The following NXPE2 variants were observed in gnomAD, a reference collection of about 807,000 sequenced individuals.
NXPE2 encodes the protein NXPE family member 2.
Under a neutral mutation model 34.4 loss-of-function variants are expected in NXPE2, and 34 were observed. The ratio of observed to expected loss-of-function variants is 0.99; its 90% confidence interval spans 0.75 to 1.31. The LOEUF is 1.31. NXPE2 is among the 40% of genes most tolerant of loss of function. NXPE2 has a pLI of 0.00. For synonymous variants in NXPE2, 235 were observed against 231.3 expected (o/e 1.02, Z -0.15); for missense variants, 649 against 672.5 (o/e 0.97, Z 0.39).
At chr11:114,475,226 G>GTTTT in the NXPE2 span, among the ~76,000 whole-genome samples, 531 of 87,992 alleles carry the variant, frequency 6.0e-3, 87 homozygotes, top group Middle Eastern at 0.017. Flanking sequence ...AATGTGAACT[G>GTTTT]TTTTTTTTTT....
chr11:114,800,159 T>TCTTATTAGTTCACAGCAGTACAGAACA, the NXPE2 span, among the ~76,000 whole-genome samples: 1 of 152,194 alleles, frequency 6.6e-6, no homozygotes, highest in African/African-American at 2.4e-5. Context: ...TGGGAACAAT[T>TCTTATTAGTTCACAGCAGTACAGAACA]CTTATTAGTT....
the NXPE2 span, among the ~76,000 whole-genome samples, chr11:114,495,331 T>C: frequency 6.6e-6 from 1 of 151,984 alleles, no homozygotes; most frequent in Admixed American, 6.6e-5. Context: ...TGCTGGTGGG[T>C]CCAGAGATGC....
At chr11:114,801,854 AGAGAG>A in the NXPE2 span, among the ~76,000 whole-genome samples, 14 of 152,296 alleles carry the variant, frequency 9.2e-5, no homozygotes, top group African/African-American at 2.2e-4. Flanking sequence ...GGGTAGGGGC[AGAGAG>A]GAGAGGAGAG....
the NXPE2 span, among the ~76,000 whole-genome samples, chr11:114,621,901 A>T: frequency 6.6e-6 from 1 of 151,574 alleles, no homozygotes; most frequent in Non-Finnish European, 1.5e-5. Flanking sequence ...ATTTGTGGGT[A>T]ACCAGTTACC....
the NXPE2 span, among the ~76,000 whole-genome samples, chr11:114,639,963 ATATAT>A: frequency 0.14 from 14,833 of 103,180 alleles, 1,261 homozygotes; most frequent in East Asian, 0.37. Context: ...TTTGTATTAA[ATATAT>A]TATATATAAT....
chr11:114,493,761 A>G, the NXPE2 span, among the ~76,000 whole-genome samples: 2 of 152,122 alleles, frequency 1.3e-5, no homozygotes, highest in Admixed American at 1.3e-4. Flanking sequence ...TTACGGTGTT[A>G]TAATATTCTG....
At chr11:114,590,078 G>T in the NXPE2 span, among the ~76,000 whole-genome samples, 1 of 152,140 alleles carries the variant, frequency 6.6e-6, no homozygotes, top group Non-Finnish European at 1.5e-5. Context: ...AAAATGGATG[G>T]TGCTGCCTCA....
chr11:114,706,561 G>T lies in NXPE2; in HGVS notation c.1311G>T (p.Gln437His). The T allele has an allele frequency of 6.4e-7, 1 of 1,551,844 alleles. No individual in the cohort carries two copies. The change falls in exon 6 of 6, where the codon CAG (glutamine) becomes CAT (histidine). Residue 437 changes from glutamine (Q) to histidine (H), a missense_variant. Coordinates refer to ENST00000389586, the MANE Select transcript of NXPE2 (RefSeq NM_182495.6). ...DENYIPREID[Q>H]VAGDKNTAIV... ...ACTATATCCCACGGGAAATTGACCA[G>T]GTAGCAGGAGACAAAAACACAGCCA... is the stretch of plus-strand genomic sequence containing the variant.
At chr11:114,716,965 G>T in the NXPE2 span, among the ~76,000 whole-genome samples, 2 of 152,112 alleles carry the variant, frequency 1.3e-5, no homozygotes, top group African/African-American at 4.8e-5. Context: ...GCCAAATCCA[G>T]CCTGCAGCCT....
the NXPE2 span, among the ~76,000 whole-genome samples, chr11:114,635,280 T>C: frequency 1.3e-5 from 2 of 150,092 alleles, no homozygotes; most frequent in African/African-American, 4.9e-5. Flanking sequence ...GTTGTTGGTG[T>C]ATAAGAATGG....
chr11:114,704,595 A>G (rs191821657), intron 4 of NXPE2, among the ~76,000 whole-genome samples: 55 of 152,354 alleles, frequency 3.6e-4, no homozygotes, highest in African/African-American at 1.2e-3. Context: ...GTGAATTTCA[A>G]AATTAAAGTA....
At chr11:114,607,310 G>A in the NXPE2 span, among the ~76,000 whole-genome samples, 1 of 150,984 alleles carries the variant, frequency 6.6e-6, no homozygotes, top group East Asian at 2.0e-4. Flanking sequence ...TTGCCTCGTG[G>A]GTCACCATTG....
chr11:114,703,199 A>T (rs1434571073), intron 3 of NXPE2, among the ~76,000 whole-genome samples: 1 of 152,246 alleles, frequency 6.6e-6, no homozygotes, highest in Non-Finnish European at 1.5e-5. Flanking sequence ...GTAGACACTC[A>T]TAGGAGATTT....
chr11:114,737,330 C>T, the NXPE2 span, among the ~76,000 whole-genome samples: 1 of 152,076 alleles, frequency 6.6e-6, no homozygotes, highest in African/African-American at 2.4e-5. Flanking sequence ...TCCCTTTCCA[C>T]AGAGATTGGG....
chr11:114,697,715 T>C (rs1482031784), intron 2 of NXPE2, among the ~76,000 whole-genome samples: 1 of 152,174 alleles, frequency 6.6e-6, no homozygotes, highest in Non-Finnish European at 1.5e-5. Context: ...AAAATGATAA[T>C]ATGGTTTTTA....
At chr11:114,499,101 ATTTAAG>A in the NXPE2 span, among the ~76,000 whole-genome samples, 1 of 152,228 alleles carries the variant, frequency 6.6e-6, no homozygotes, top group African/African-American at 2.4e-5. Context: ...TTCTCAAGTC[ATTTAAG>A]TTTATGTGTT....
chr11:114,607,398 A>T, the NXPE2 span, among the ~76,000 whole-genome samples: 1 of 151,904 alleles, frequency 6.6e-6, no homozygotes, highest in Non-Finnish European at 1.5e-5. Flanking sequence ...CTCTTGGGTA[A>T]CCACTGTTAC....
chr11:114,580,212 C>T, the NXPE2 span: 2 of 1,614,060 alleles, frequency 1.2e-6, no homozygotes, highest in Non-Finnish European at 1.7e-6. Flanking sequence ...TCCTCTCAGG[C>T]ATTCCTTCAT....
chr11:114,783,854 G>A, the NXPE2 span, among the ~76,000 whole-genome samples: 4 of 152,198 alleles, frequency 2.6e-5, no homozygotes, highest in East Asian at 5.8e-4. Context: ...ATAATCAGGT[G>A]AATTTGGAGA....
Sources: gnomAD v4.1 joint callset for allele counts (sites outside exome capture counted in the v4.1 genomes callset) on GRCh38, gnomAD v4.1.1 for gene constraint, MANE v1.5 for transcripts, NCBI Gene and HGNC (gene_info 2026-07-23, HGNC 2026-07-21) for gene names.